Variants in TNXB observed in about 807,000 individuals in gnomAD.
TNXB encodes tenascin XB.
A neutral mutation model predicts 340.5 loss-of-function variants in TNXB; 183 were observed. That is an observed-to-expected ratio of 0.54 (90% CI 0.48 to 0.61). TNXB has a LOEUF of 0.61. Among genes scored for constraint, TNXB ranks in the 20% least tolerant of loss-of-function variants. The pLI is 0.00. For missense variants in TNXB, 4,613 were observed against 5,446.4 expected, an observed-to-expected ratio of 0.85 and a Z score of 4.82; for synonymous variants, 2,121 against 2,314.5, an observed-to-expected ratio of 0.92 and a Z score of 2.40.
intron 22 of TNXB, among the ~76,000 whole-genome samples, chr6:32,057,197 G>C (rs1164922777): frequency 6.6e-6 from 1 of 151,952 alleles, no homozygotes; most frequent in Non-Finnish European, 1.5e-5. Flanking sequence ...TGCACCCCTG[G>C]CCTCCCAGCA....
Position 32,097,422 on chromosome 6 carries a change from C to G in TNXB, c.431G>C (p.Ser144Thr), listed in dbSNP as rs1237423218. ...GCTCAGATCAAACACACCATGGAGA[C>G]TGCAGAGGGTCCGCACATCTGTCTG... ...TGQTDVRTLC[S>T]LHGVFDLSRC... Residue 144 changes from serine to threonine, a missense_variant, in exon 3 of 44, where the codon AGT becomes ACT. Around this residue, in one of 7 missense-constraint regions of TNXB, gnomAD observed 4,327 missense variants for 4,859.4 expected, o/e 0.89. Transcript: ENST00000644971. The surrounding 1 kb of genome is among the most constrained non-coding windows in gnomAD (Gnocchi z 5.9). 2 of 1,602,876 alleles carry G rather than the reference C, an allele frequency of 1.2e-6. No individual in the cohort carries two copies. Among genetic ancestry groups the G allele is most frequent in the Non-Finnish European group, 1.7e-6 (2 of 1,176,348 alleles).
At position 32,086,044 on chromosome 6, in the gene TNXB, G is replaced by C. The variant is rs1324697653; in HGVS notation, c.2854C>G (p.Gln952Glu). The change falls in exon 7 of 44, where the codon CAG (glutamine) becomes GAG (glutamate). Residue 952 changes from glutamine to glutamate, a missense_variant. Gln to Glu is a conservative substitution (Grantham distance 29, BLOSUM62 2). Around this residue, in one of 7 missense-constraint regions of TNXB, gnomAD observed 4,327 missense variants for 4,859.4 expected, o/e 0.89. Transcript: ENST00000644971. The part of the protein sequence containing the change: ...PSGPSTTQGA[Q>E]APLLQQRPQE... ...GGGCGCTGCTGCAGGAGAGGAGCCT[G>C]GGCCCCTTGCGTCGTCGAGGGGCCT... 6.2e-7 allele frequency: 1 copy of C among 1,602,720 alleles called. No individual in the cohort carries two copies. The highest frequency in any genetic ancestry group is 8.5e-7 in the Non-Finnish European group (1 of 1,176,310).
At position 32,058,262 on chromosome 6, in the gene TNXB, A is replaced by G; in HGVS notation, c.7621T>C (p.Ser2541Pro). 2 of 1,612,462 alleles carry G rather than the reference A, an allele frequency of 1.2e-6. No individual in the cohort carries two copies. Among genetic ancestry groups the G allele is most frequent in the Non-Finnish European group, 8.5e-7 (1 of 1,179,860 alleles). ...AAGCGGCCCTGGGGGACGGTCCAGG[A>G]AAGGCTCAGCGAGTCAGGGGAGGAT... ...TGSSPDSLSL[S>P]WTVPQGRFDS... The change falls in exon 22 of 44, where the codon TCC (serine) becomes CCC (proline). Residue 2541 changes from serine to proline, a missense_variant. By Grantham distance (74) the Ser-to-Pro change is moderately conservative. Coordinates refer to ENST00000644971, the MANE Select transcript of TNXB (RefSeq NM_001365276.2). This position sits in a 1 kb window ranked among gnomAD's most constrained non-coding sequence, Gnocchi z 5.1.
Position 32,096,558 on chromosome 6 carries a change from G to A in TNXB, c.1295C>T (p.Ser432Leu), listed in dbSNP as rs1276343973. ...WPGYTGTDCG[S>L]RACPRDCRGR... ...TCTACAGTCGCGTGGGCAGGCGCGC[G>A]AGCCGCAATCGGTTCCAGTGTACCC... is the stretch of plus-strand genomic sequence containing the variant. The change falls in exon 3 of 44, where the codon TCG becomes TTG. Residue 432 changes from serine to leucine, a missense_variant. Transcript: ENST00000644971. 6.3e-7 allele frequency: 1 copy of A among 1,591,940 alleles called. No individual in the cohort carries two copies. The highest frequency in any genetic ancestry group is 8.5e-7 in the Non-Finnish European group (1 of 1,174,014).
chr6:32,103,063 G>C (rs1042590362), intron 1 of TNXB, among the ~76,000 whole-genome samples: 1 of 152,124 alleles, frequency 6.6e-6, no homozygotes, highest in African/African-American at 2.4e-5. Context: ...TGGTTACATA[G>C]ATATATACAT....
At chr6:32,095,024 C>G in intron 4 of TNXB, 52 bp downstream of exon 4, 1 of 1,435,188 alleles carries the variant, frequency 7.0e-7, no homozygotes, top group South Asian at 1.2e-5. Context: ...GTGAGCCCTG[C>G]CCCCCTGTCC....
In TNXB at chr6:32,098,229, T is replaced by A. The variant is rs1454122335; in HGVS notation, c.-8-23A>T. On this transcript the variant is annotated intron_variant, in intron 1 of 43. Transcript: ENST00000644971. Reference sequence around the variant, plus strand: ...AGGCTGCAGGGAGAAAGGGTAGGTATGAGAGCAGCTTCAAAAAGGAGACAA... The same window carrying A: ...AGGCTGCAGGGAGAAAGGGTAGGTAAGAGAGCAGCTTCAAAAAGGAGACAA... 2.0e-6 allele frequency: 3 copies of A among 1,465,468 alleles called. No individual in the cohort carries two copies. The African/African-American group carries it at 4.2e-5, about 21-fold the overall frequency. The allele number at this position is 1,465,468 out of a possible 1,614,324, so 90.8% of individuals were successfully genotyped here. A position where few individuals can be genotyped will look rare whatever the true frequency, so the allele number is the denominator to read the frequency against.
In TNXB at chr6:32,087,740, C is replaced by G; in HGVS notation, c.2779+1045G>C. The G allele has an allele frequency of 2.0e-6, 1 of 498,874 alleles. No homozygotes were observed. The highest frequency in any genetic ancestry group is 1.5e-5 in the South Asian group (1 of 68,414). 30.9% of individuals were successfully genotyped at this position (498,874 alleles called of 1,614,324 possible). A position where few individuals can be genotyped will look rare whatever the true frequency, so the allele number is the denominator to read the frequency against. On this transcript the variant is annotated intron_variant, in intron 6 of 43. Transcript: ENST00000644971. This position sits in a 1 kb window ranked among gnomAD's most constrained non-coding sequence, Gnocchi z 9.0. ...GTCTGGTTGGCCCGCAGTGGGTAGC[C>G]GTGAGCCCGCAGGTGGCGCTCCAGG...
chr6:32,061,227 G>A lies in TNXB; in HGVS notation c.7492+170C>T, dbSNP rs147307517. ...TGGTTGACCATTAGAGGGAGGCCAC[G>A]CCAAAGTGAACAAGCAAACCGCTAG... is the stretch of plus-strand genomic sequence containing the variant. On this transcript the variant is annotated intron_variant, in intron 21 of 43. Coordinates refer to ENST00000644971, the MANE Select transcript of TNXB (RefSeq NM_001365276.2). This position sits in a 1 kb window ranked among gnomAD's most constrained non-coding sequence, Gnocchi z 4.4. Among the ~76,000 whole-genome samples the A allele has an allele frequency of 2.0e-5, 3 of 151,926 alleles. No homozygotes were observed. Among genetic ancestry groups the A allele is most frequent in the Admixed American group, 6.5e-5 (1 of 15,302 alleles).
rs892088902 is a variant in TNXB at position 32,069,330 on chromosome 6, T to C, written c.5588-194A>G. 6.6e-6 allele frequency among the ~76,000 whole-genome samples: 1 copy of C among 152,242 alleles called. No individual in the cohort carries two copies. Among genetic ancestry groups the C allele is most frequent in the Non-Finnish European group, 1.5e-5 (1 of 68,038 alleles). ...AAACACAAGAGACTGCGTATTGTGA[T>C]TCCATTACATGGAGAGTCAAAATGC... On this transcript the variant is annotated intron_variant, in intron 15 of 43. Transcript: ENST00000644971. The surrounding 1 kb of genome is among the most constrained non-coding windows in gnomAD (Gnocchi z 6.2).
Position 32,050,029 on chromosome 6 carries a change from G to A in TNXB, c.9408C>T (p.Arg3136=), listed in dbSNP as rs377101729. 19 of 1,613,702 alleles carry A rather than the reference G, an allele frequency of 1.2e-5. No individual in the cohort carries two copies. The highest frequency in any genetic ancestry group is 8.0e-5 in the African/African-American group (6 of 74,932). The change falls in exon 27 of 44, where the codon CGC becomes CGT. Residue 3136 remains arginine (R), a synonymous_variant. Transcript: ENST00000644971. ...CCCCAATGGCAGACACAGGGCCTAC[G>A]CGCTGGCCACCGTGGAAGCCGTACA... ...MNLYGFHGGQ[R]VGPVSAIGVT...
At chr6:32,105,503 TATC>T (rs1428781292) in intron 1 of TNXB, among the ~76,000 whole-genome samples, 1 of 152,210 alleles carries the variant, frequency 6.6e-6, no homozygotes, top group Non-Finnish European at 1.5e-5. Flanking sequence ...TTGGCTGCTG[TATC>T]CCTGCATCTG....
At position 32,064,437 on chromosome 6, in the gene TNXB, C is replaced by T. The variant is rs1423183879; in HGVS notation, c.6841+384G>A. Among the ~76,000 whole-genome samples, 1 of 152,192 alleles carries T rather than the reference C, an allele frequency of 6.6e-6. No individual in the cohort carries two copies. Among genetic ancestry groups the T allele is most frequent in the African/African-American group, 2.4e-5 (1 of 41,444 alleles). ...TGATGTTGGCCAGGCTGGTCTCGAA[C>T]TCCTGACCTCAAGTGATCTGCCCCC... On this transcript the variant is annotated intron_variant, in intron 19 of 43. Transcript: ENST00000644971. The surrounding 1 kb of genome is among the most constrained non-coding windows in gnomAD (Gnocchi z 5.3).
intron 29 of TNXB, 23 bp from the exon 30 acceptor site, chr6:32,048,035 T>C: frequency 6.3e-7 from 1 of 1,594,372 alleles, no homozygotes; most frequent in South Asian, 1.1e-5. Flanking sequence ...GTGAGGTGCA[T>C]GGAGAGTGGG....
rs765249475 is a variant in TNXB, at chr6:32,042,505, G to A, written c.12160C>T (p.Arg4054Trp). The A allele has an allele frequency of 1.7e-5, 27 of 1,612,540 alleles. No homozygotes were observed. The highest frequency in any genetic ancestry group is 6.7e-5 in the Admixed American group (4 of 59,952). Residue 4054 changes from arginine to tryptophan, a missense_variant, in exon 40 of 44, where the codon CGG becomes TGG. By Grantham distance (101) the Arg-to-Trp change is moderately radical. Coordinates refer to ENST00000644971, the MANE Select transcript of TNXB (RefSeq NM_001365276.2). Reference protein sequence around the residue: ...STIFLNGNRERPLNVFCDMET... With the variant: ...STIFLNGNREWPLNVFCDMET... ...ATGTCGCAAAACACGTTCAGGGGCC[G>A]CTCGCGGTTGCCGTTGAGGAAGATG...
chr6:32,067,884 G>C lies in TNXB; in HGVS notation c.6321C>G (p.Ser2107=). The C allele has an allele frequency of 6.2e-7, 1 of 1,612,850 alleles. No individual in the cohort carries two copies. Among genetic ancestry groups the C allele is most frequent in the Non-Finnish European group, 8.5e-7 (1 of 1,179,870 alleles). Residue 2107 remains serine (S), a synonymous_variant, in exon 18 of 44, where the codon TCC becomes TCG. Coordinates refer to ENST00000644971, the MANE Select transcript of TNXB (RefSeq NM_001365276.2). This position sits in a 1 kb window ranked among gnomAD's most constrained non-coding sequence, Gnocchi z 4.2. ...LLGELTVTGS[S]PDSLSLSWTV... ...TCCAGGAGAGGCTCAGCGAGTCAGG[G>C]GAGGATCCTGTCACTGTTAGCTCCC...
In TNXB at chr6:32,081,891, G is replaced by T; in HGVS notation, c.3736+145C>A. ...GGAAGGGGCCCAGCAGTGCGGGGGAGTCTGGCTGCCCCTCAGCCCTGGAGT... is the reference window on the plus strand; with the variant it reads ...GGAAGGGGCCCAGCAGTGCGGGGGATTCTGGCTGCCCCTCAGCCCTGGAGT... On this transcript the variant is annotated intron_variant, in intron 9 of 43. Transcript: ENST00000644971. The surrounding 1 kb of genome is among the most constrained non-coding windows in gnomAD (Gnocchi z 5.1). The T allele has an allele frequency of 1.2e-6, 1 of 825,946 alleles. No individual in the cohort carries two copies. Among genetic ancestry groups the T allele is most frequent in the Non-Finnish European group, 1.9e-6 (1 of 531,000 alleles). 51.2% of individuals were successfully genotyped at this position (825,946 alleles called of 1,614,324 possible). A position where few individuals can be genotyped will look rare whatever the true frequency, so the allele number is the denominator to read the frequency against.
At position 32,096,147 on chromosome 6, in the gene TNXB, C is replaced by T. The variant is rs754450129; in HGVS notation, c.1706G>A (p.Cys569Tyr). ...CTCGCACACACACCGCCCATCTAGG[C>T]ACTGGCCGCGGCCTCGGCAGCCCCC... ...CPGGCRGRGQ[C>Y]LDGRCVCEDG... Residue 569 changes from cysteine (C) to tyrosine (Y), a missense_variant, in exon 3 of 44, where the codon TGC becomes TAC. Around this residue, in one of 7 missense-constraint regions of TNXB, gnomAD observed 4,327 missense variants for 4,859.4 expected, o/e 0.89. Transcript: ENST00000644971. 43 of 1,592,566 alleles carry T rather than the reference C, an allele frequency of 2.7e-5. 1 individual carries two copies. The highest frequency in any genetic ancestry group is 9.1e-5 in the South Asian group (8 of 87,956).
rs377229772 is a variant in TNXB, at chr6:32,103,271, T to TA, written c.-8-5066dup. On this transcript the variant is annotated intron_variant, in intron 1 of 43. Transcript: ENST00000644971. ...CCCCGTCTCTACTAAAAATAAAAAA[T>TA]AAAAAAAAATTAGCTGGGCATGGTG... is the stretch of plus-strand genomic sequence containing the variant. 2.9e-3 allele frequency among the ~76,000 whole-genome samples: 435 copies of TA among 148,972 alleles called. 11 individuals are homozygous for TA. In the East Asian group the frequency reaches 0.056, roughly 19 times the overall value.
Sources: gnomAD v4.1 joint callset for allele counts (sites outside exome capture counted in the v4.1 genomes callset) on GRCh38, gnomAD v4.1.1 for gene constraint, gnomAD v4.1.1 regional missense constraint, Gnocchi (gnomAD v3.1) non-coding constraint, MANE v1.5 for transcripts, NCBI Gene and HGNC (gene_info 2026-07-23, HGNC 2026-07-21) for gene names.